Variants in TSHZ2 observed in about 807,000 individuals in gnomAD.
TSHZ2 encodes teashirt homolog 2.
In TSHZ2, 21 loss-of-function variants were observed where a neutral mutation model predicts 74.4. The ratio of observed to expected loss-of-function variants is 0.28; its 90% CI spans 0.20 to 0.41. The LOEUF is 0.41. Ranked by LOEUF, TSHZ2 falls within the 10% of genes least tolerant of loss-of-function variation. TSHZ2 has a pLI of 1.00. For synonymous variants in TSHZ2, 540 were observed against 515.3 expected, an observed-to-expected ratio of 1.05 and a Z score of -0.65; for missense variants, 1,244 against 1,293.5, an observed-to-expected ratio of 0.96 and a Z score of 0.59.
intron 1 of TSHZ2, among the ~76,000 whole-genome samples, chr20:53,072,902 C>T (rs1985220521): frequency 6.6e-6 from 1 of 152,128 alleles, no homozygotes; most frequent in African/African-American, 2.4e-5. Flanking sequence ...TTCAATCCTC[C>T]ATTCCTTCAT....
In TSHZ2 at chr20:53,487,633, G is replaced by C. The variant is rs2145865186; in HGVS notation, c.*498G>C. On this transcript the variant is annotated 3_prime_UTR_variant, in exon 3 of 3. Transcript: ENST00000371497. ...CATTTCCTATTTATAACCCCTCTGG[G>C]AACGTTTGTCTAAAGGAAATGTTTC... 1 of 152,286 alleles carries C rather than the reference G, an allele frequency of 6.6e-6. No individual in the cohort carries two copies. 9.4% of individuals were successfully genotyped at this position (152,286 alleles called of 1,614,324 possible).
chr20:53,159,921 G>A (rs746796727), intron 1 of TSHZ2, among the ~76,000 whole-genome samples: 3 of 152,222 alleles, frequency 2.0e-5, no homozygotes, highest in Non-Finnish European at 4.4e-5. Flanking sequence ...AGACACAGTT[G>A]TTAGTCAAAT....
At chr20:53,017,369 ATCTCT>A (rs1243489170) in intron 1 of TSHZ2, among the ~76,000 whole-genome samples, 1 of 152,170 alleles carries the variant, frequency 6.6e-6, no homozygotes, top group Non-Finnish European at 1.5e-5. Flanking sequence ...CTCCCTGAGG[ATCTCT>A]CAAAGTGCAG....
chr20:53,337,472 C>T (rs1429593585), intron 2 of TSHZ2, among the ~76,000 whole-genome samples: 1 of 152,156 alleles, frequency 6.6e-6, no homozygotes, highest in Non-Finnish European at 1.5e-5. Flanking sequence ...ACGGAACTGT[C>T]ACATGACCAC....
intron 1 of TSHZ2, among the ~76,000 whole-genome samples, chr20:53,123,958 T>C (rs1600701760): frequency 6.6e-6 from 1 of 152,164 alleles, no homozygotes; most frequent in African/African-American, 2.4e-5. Flanking sequence ...AAATGGAGCG[T>C]TGGGTAATTG....
chr20:53,031,620 A>G (rs1202731775), intron 1 of TSHZ2, among the ~76,000 whole-genome samples: 1 of 152,182 alleles, frequency 6.6e-6, no homozygotes, highest in Non-Finnish European at 1.5e-5. Flanking sequence ...GCAAGGGTGG[A>G]AAAGTGTATA....
At chr20:53,385,455 C>T (rs1051308306) in intron 2 of TSHZ2, among the ~76,000 whole-genome samples, 1 of 152,118 alleles carries the variant, frequency 6.6e-6, no homozygotes, top group African/African-American at 2.4e-5. Flanking sequence ...ACGCCTCCCT[C>T]GGTGTAGGAA....
chr20:53,472,894 A>C (rs1165721326), intron 2 of TSHZ2, among the ~76,000 whole-genome samples: 1 of 152,100 alleles, frequency 6.6e-6, no homozygotes, highest in African/African-American at 2.4e-5. Flanking sequence ...GAAAGGGGTG[A>C]CGGACGGCAC....
Position 53,474,167 on chromosome 20 carries a change from A to C in TSHZ2, c.*9-12977A>C, listed in dbSNP as rs1244802558. On this transcript the variant is annotated intron_variant, in intron 2 of 2. Coordinates refer to ENST00000371497, the MANE Select transcript of TSHZ2 (RefSeq NM_173485.6). ...AGGAAATGCAGAGAACGCCACAAAGATACTCCTCGAGAAGAGCAACTCCAA... is the reference window on the plus strand; with the variant it reads ...AGGAAATGCAGAGAACGCCACAAAGCTACTCCTCGAGAAGAGCAACTCCAA... 3.4e-5 allele frequency among the ~76,000 whole-genome samples: 5 copies of C among 149,082 alleles called. 1 individual carries two copies. In the East Asian group the frequency reaches 6.1e-4, roughly 18 times the overall value.
At chr20:53,257,902 C>A (rs1326990404) in intron 2 of TSHZ2, among the ~76,000 whole-genome samples, 2 of 152,204 alleles carry the variant, frequency 1.3e-5, no homozygotes, top group Non-Finnish European at 2.9e-5. Flanking sequence ...ACTTTCAGAA[C>A]AAGCTAGAAA....
At chr20:53,440,373 A>G (rs756283291) in intron 2 of TSHZ2, among the ~76,000 whole-genome samples, 2 of 152,214 alleles carry the variant, frequency 1.3e-5, no homozygotes. Flanking sequence ...GCCTTCTGCA[A>G]TTGCAGGGGG....
At chr20:53,258,162 A>G (rs1268218637) in intron 2 of TSHZ2, among the ~76,000 whole-genome samples, 1 of 152,238 alleles carries the variant, frequency 6.6e-6, no homozygotes, top group Admixed American at 6.5e-5. Context: ...GCATGTTTTT[A>G]TCATGATGAT....
chr20:53,286,325 C>T (rs1460642191), intron 2 of TSHZ2, among the ~76,000 whole-genome samples: 4 of 152,156 alleles, frequency 2.6e-5, no homozygotes, highest in East Asian at 1.9e-4. Context: ...CAGTTAGAGA[C>T]GTCAGGTCTG....
At chr20:53,285,388 T>G (rs1289784632) in intron 2 of TSHZ2, among the ~76,000 whole-genome samples, 1 of 152,070 alleles carries the variant, frequency 6.6e-6, no homozygotes. Flanking sequence ...TTTATGAAAT[T>G]TTTTTGCAGA....
At chr20:53,175,588 T>C (rs1466906643) in intron 1 of TSHZ2, among the ~76,000 whole-genome samples, 2 of 152,206 alleles carry the variant, frequency 1.3e-5, no homozygotes, top group African/African-American at 4.8e-5. Flanking sequence ...ATTGTTATCT[T>C]GTCTGTTCGA....
At chr20:53,198,658 A>G (rs762269930) in intron 1 of TSHZ2, among the ~76,000 whole-genome samples, 2 of 152,284 alleles carry the variant, frequency 1.3e-5, no homozygotes, top group Non-Finnish European at 1.5e-5. Flanking sequence ...ATTGGAAATT[A>G]TCCCTTTCAA....
At position 53,256,400 on chromosome 20, in the gene TSHZ2, C is replaced by G. The variant is rs1347452212; in HGVS notation, c.2942C>G (p.Pro981Arg). ...CGGGTATCGTCGGCTCAGAGGTCTC[C>G]AGAAACAATAGCTGCCGAAGAGGAC... ...ISRVSSAQRS[P>R]ETIAAEEDTD... The change falls in exon 2 of 3, where the codon CCA becomes CGA. Residue 981 changes from proline (P) to arginine (R), a missense_variant. By Grantham distance (103) the Pro-to-Arg change is moderately radical (BLOSUM62 -2). Coordinates refer to ENST00000371497, the MANE Select transcript of TSHZ2 (RefSeq NM_173485.6). This position sits in a 1 kb window ranked among gnomAD's most constrained non-coding sequence, Gnocchi z 4.3. The G allele has an allele frequency of 6.8e-6, 11 of 1,613,824 alleles. No homozygotes were observed. The highest frequency in any genetic ancestry group is 9.3e-6 in the Non-Finnish European group (11 of 1,179,862).
chr20:53,210,428 A>G (rs1989276331), intron 1 of TSHZ2, among the ~76,000 whole-genome samples: 1 of 151,710 alleles, frequency 6.6e-6, no homozygotes, highest in Non-Finnish European at 1.5e-5. Context: ...TGGGAGGGGG[A>G]TGGAGTGGGG....
At chr20:53,141,688 G>A (rs1332736711) in intron 1 of TSHZ2, among the ~76,000 whole-genome samples, 2 of 152,204 alleles carry the variant, frequency 1.3e-5, no homozygotes, top group South Asian at 2.1e-4. Flanking sequence ...GCACCTATCC[G>A]GGCCCTCCCT....
Sources: gnomAD v4.1 joint callset for allele counts (sites outside exome capture counted in the v4.1 genomes callset) on GRCh38, gnomAD v4.1.1 for gene constraint, Gnocchi (gnomAD v3.1) non-coding constraint, MANE v1.5 for transcripts, NCBI Gene and HGNC (gene_info 2026-07-23, HGNC 2026-07-21) for gene names.